Variants in RORA observed in about 807,000 individuals in gnomAD.
RORA encodes the protein nuclear receptor ROR-alpha.
A neutral mutation model predicts 69.5 loss-of-function variants in RORA; 7 were observed. The ratio of observed to expected loss-of-function variants is 0.10; its 90% CI spans 0.06 to 0.19. The LOEUF (loss-of-function observed/expected upper bound fraction) is 0.19, where lower values mean the gene tolerates loss of function less well. Among genes scored for constraint, RORA ranks in the 10% least tolerant of loss-of-function variants. RORA has a pLI of 1.00. For synonymous variants in RORA, 261 were observed against 240.8 expected, an observed-to-expected ratio of 1.08 and a Z score of -0.78; for missense variants, 457 against 663.0, an observed-to-expected ratio of 0.69 and a Z score of 3.41.
At chr15:60,652,756 T>C (rs2070163342) in intron 2 of RORA, among the ~76,000 whole-genome samples, 1 of 152,240 alleles carries the variant, frequency 6.6e-6, no homozygotes, top group Admixed American at 6.5e-5. Flanking sequence ...TTTAACCATT[T>C]TGAAACACTT....
intron 2 of RORA, among the ~76,000 whole-genome samples, chr15:60,552,982 G>A (rs986465241): frequency 6.6e-6 from 1 of 152,072 alleles, no homozygotes; most frequent in South Asian, 2.1e-4. Flanking sequence ...CTGTGATCAT[G>A]GGCAAGTTAT....
At chr15:60,557,657 A>G (rs973082161) in intron 2 of RORA, among the ~76,000 whole-genome samples, 1 of 152,244 alleles carries the variant, frequency 6.6e-6, no homozygotes, top group Non-Finnish European at 1.5e-5. Flanking sequence ...AACATTCTGC[A>G]AACTGGAAAT....
chr15:60,758,478 G>A (rs2071834701), intron 1 of RORA, among the ~76,000 whole-genome samples: 1 of 152,100 alleles, frequency 6.6e-6, no homozygotes, highest in Non-Finnish European at 1.5e-5. Context: ...TTTACACCTA[G>A]GATGTCATTC....
chr15:60,736,487 C>T (rs951854329), intron 1 of RORA, among the ~76,000 whole-genome samples: 1 of 152,124 alleles, frequency 6.6e-6, no homozygotes, highest in Admixed American at 6.5e-5. Flanking sequence ...TGGCCTTGTC[C>T]TCTCAGTTCA....
At chr15:60,811,835 G>A (rs1289068870) in intron 1 of RORA, among the ~76,000 whole-genome samples, 1 of 151,802 alleles carries the variant, frequency 6.6e-6, no homozygotes, top group African/African-American at 2.4e-5. Context: ...TGGGTGCAAG[G>A]CCAGCCAAGG....
chr15:60,625,285 T>A (rs1230245579), intron 2 of RORA, among the ~76,000 whole-genome samples: 1 of 152,184 alleles, frequency 6.6e-6, no homozygotes, highest in Non-Finnish European at 1.5e-5. Context: ...TTTTTTTTGT[T>A]TTGTTAAGTA....
rs73422425 is a variant in RORA at position 61,021,138 on chromosome 15, C to T, written c.166+207915G>A. On this transcript the variant is annotated intron_variant, in intron 1 of 10. Coordinates refer to ENST00000335670, the MANE Select transcript of RORA (RefSeq NM_134261.3). ...CACCAAGTTCACACCTGTGTTCCAA[C>T]GCTGGGGACGGGAGAGGCCTGCAAA... is the stretch of plus-strand genomic sequence containing the variant. Among the ~76,000 whole-genome samples, 669 of 152,284 alleles carry T rather than the reference C, an allele frequency of 4.4e-3. 8 individuals carry two copies. The highest frequency in any genetic ancestry group is 0.014 in the African/African-American group (584 of 41,570).
intron 1 of RORA, among the ~76,000 whole-genome samples, chr15:60,740,232 C>CG (rs1203121511): frequency 6.6e-6 from 1 of 152,086 alleles, no homozygotes; most frequent in East Asian, 1.9e-4. Flanking sequence ...ACCCCAACAA[C>CG]GTGTGGGCTA....
intron 1 of RORA, among the ~76,000 whole-genome samples, chr15:61,117,500 C>T (rs1227803259): frequency 6.6e-6 from 1 of 152,096 alleles, no homozygotes; most frequent in African/African-American, 2.4e-5. Flanking sequence ...TTCTTTCCTG[C>T]TAAAAATATT....
chr15:60,648,595 A>C (rs2070093895), intron 2 of RORA, among the ~76,000 whole-genome samples: 1 of 152,254 alleles, frequency 6.6e-6, no homozygotes, highest in African/African-American at 2.4e-5. Flanking sequence ...TAGCATGTTC[A>C]GAGAAGTACA....
At chr15:61,222,802 G>A (rs1190583356) in intron 1 of RORA, among the ~76,000 whole-genome samples, 4 of 152,100 alleles carry the variant, frequency 2.6e-5, no homozygotes, top group African/African-American at 7.2e-5. Context: ...CAATCGAAAT[G>A]TTCTTTGTTG....
intron 1 of RORA, among the ~76,000 whole-genome samples, chr15:60,724,267 T>C (rs2071329812): frequency 6.6e-6 from 1 of 152,238 alleles, no homozygotes; most frequent in African/African-American, 2.4e-5. Context: ...CAGGTAACTT[T>C]CATTGAGGGC....
At chr15:60,689,271 G>A (rs531494779) in intron 1 of RORA, among the ~76,000 whole-genome samples, 14 of 152,136 alleles carry the variant, frequency 9.2e-5, no homozygotes, top group Non-Finnish European at 1.9e-4. Context: ...GTTATCTGAT[G>A]GCAATGCATC....
In RORA at chr15:61,137,071, GA is replaced by G. The variant is rs1348054232; in HGVS notation, c.166+91981del. The stretch of plus-strand genomic sequence containing the variant: ...AGAAAGAAAGAAAGAAAGAAAGAAA[GA>G]AAGAAAGAAAGAAAGAAAGAAAGAA... On this transcript the variant is annotated intron_variant, in intron 1 of 10. Transcript: ENST00000335670. 4.7e-5 allele frequency among the ~76,000 whole-genome samples: 7 copies of G among 148,334 alleles called. No individual in the cohort carries two copies. In the East Asian group the frequency reaches 1.4e-3, roughly 29 times the overall value.
At chr15:61,207,033 C>T (rs1042911697) in intron 1 of RORA, among the ~76,000 whole-genome samples, 2 of 152,140 alleles carry the variant, frequency 1.3e-5, no homozygotes, top group African/African-American at 2.4e-5. Flanking sequence ...TTTCGTAGGC[C>T]TCATCCCACT....
rs553291192 is a variant in RORA at position 61,220,352 on chromosome 15, C to A, written c.166+8701G>T. On this transcript the variant is annotated intron_variant, in intron 1 of 10. Transcript: ENST00000335670. ...GAGTACATGCTGTATTGTCACATGG[C>A]CTTTTCATCATCCACTGGTTTTATA... Among the ~76,000 whole-genome samples the A allele has an allele frequency of 7.9e-5, 12 of 152,322 alleles. No homozygotes were observed. The South Asian group carries it at 1.9e-3, about 24-fold the overall frequency.
chr15:60,875,080 AG>A (rs2073598765), intron 1 of RORA, among the ~76,000 whole-genome samples: 1 of 152,188 alleles, frequency 6.6e-6, no homozygotes, highest in Admixed American at 6.5e-5. Context: ...CAGGACTTGC[AG>A]AGGGTCCCAT....
chr15:60,973,206 G>A (rs1209933126), intron 1 of RORA, among the ~76,000 whole-genome samples: 1 of 152,156 alleles, frequency 6.6e-6, no homozygotes. Context: ...GCTGAAACCT[G>A]AGGGCATCTT....
chr15:61,069,440 C>T (rs2078309147), intron 1 of RORA, among the ~76,000 whole-genome samples: 1 of 151,980 alleles, frequency 6.6e-6, no homozygotes, highest in African/African-American at 2.4e-5. Flanking sequence ...ATTAGTTTAG[C>T]AAAGTCACAA....
Sources: allele counts gnomAD v4.1 joint callset (sites outside exome capture counted in the v4.1 genomes callset), GRCh38; gene constraint gnomAD v4.1.1; transcripts MANE v1.5; gene names NCBI Gene and HGNC (gene_info 2026-07-23, HGNC 2026-07-21).